Variants in PHF14 observed in about 807,000 individuals in gnomAD.
PHF14 encodes PHD finger protein 14.
Under a neutral mutation model 117.9 loss-of-function variants are expected in PHF14, and 55 were observed. That is an observed-to-expected ratio of 0.47 (90% CI 0.38 to 0.58). PHF14 has a LOEUF of 0.58. PHF14 is among the 20% of genes least tolerant of loss of function. PHF14 has a pLI of 0.00. For synonymous variants in PHF14, 409 were observed against 368.6 expected, an observed-to-expected ratio of 1.11 and a Z score of -1.26; for missense variants, 978 against 1,122.2, an observed-to-expected ratio of 0.87 and a Z score of 1.84.
rs182851972 is a variant in PHF14 at position 11,001,476 on chromosome 7, A to C, written c.1045+10629A>C. ...TGGGATTTTATTGAATCTATAGATCAAGTTGGGAAGAAATGACATCTTGAC... is the reference window on the plus strand; with the variant it reads ...TGGGATTTTATTGAATCTATAGATCCAGTTGGGAAGAAATGACATCTTGAC... On this transcript the variant is annotated intron_variant, in intron 4 of 17. Coordinates refer to ENST00000634607, the MANE Select transcript of PHF14 (RefSeq NM_001007157.2). Among the ~76,000 whole-genome samples, 8 of 152,316 alleles carry C rather than the reference A, an allele frequency of 5.3e-5. No individual in the cohort carries two copies. The East Asian group carries it at 1.3e-3, about 26-fold the overall frequency.
At chr7:11,050,014 T>C (rs1471976881) in intron 13 of PHF14, among the ~76,000 whole-genome samples, 1 of 152,220 alleles carries the variant, frequency 6.6e-6, no homozygotes, top group Non-Finnish European at 1.5e-5. Context: ...AACCTATTCT[T>C]AAATAATTGG....
At chr7:11,084,284 A>G (rs149154968) in intron 16 of PHF14, among the ~76,000 whole-genome samples, 9 of 152,368 alleles carry the variant, frequency 5.9e-5, no homozygotes, top group Admixed American at 2.0e-4. Context: ...GATAATAGCA[A>G]TTAGAACATA....
intron 4 of PHF14, among the ~76,000 whole-genome samples, chr7:10,997,232 A>G (rs183084370): frequency 7.2e-4 from 110 of 152,334 alleles, no homozygotes; most frequent in African/African-American, 2.1e-3. Flanking sequence ...GCAAAAAGAC[A>G]TTATTACTGA....
chr7:11,005,346 C>G (rs752163976), intron 4 of PHF14, among the ~76,000 whole-genome samples: 1 of 151,574 alleles, frequency 6.6e-6, no homozygotes, highest in Non-Finnish European at 1.5e-5. Flanking sequence ...CCCTTTTTTT[C>G]CTTTTCAGTA....
intron 17 of PHF14, among the ~76,000 whole-genome samples, chr7:11,128,652 C>G (rs982609810): frequency 2.6e-5 from 4 of 151,760 alleles, no homozygotes; most frequent in African/African-American, 4.8e-5. Flanking sequence ...CATATATAAT[C>G]TAGACTCATG....
intron 16 of PHF14, chr7:11,063,222 T>G (rs1164796265): frequency 2.0e-6 from 2 of 984,356 alleles, no homozygotes; most frequent in Non-Finnish European, 2.4e-6. Context: ...CTAATTTTTT[T>G]GAGGTAGTTC....
In PHF14 at chr7:11,042,706, A is replaced by G. The variant is rs1276345029; in HGVS notation, c.2204A>G (p.His735Arg). The G allele has an allele frequency of 1.9e-6, 3 of 1,588,300 alleles. No homozygotes were observed. The highest frequency in any genetic ancestry group is 2.3e-5 in the South Asian group (2 of 86,960). Residue 735 changes from histidine (H) to arginine (R), a missense_variant, in exon 13 of 18, where the codon CAT becomes CGT. Coordinates refer to ENST00000634607, the MANE Select transcript of PHF14 (RefSeq NM_001007157.2). ...LYSCGICKKN[H>R]DQHLLLLCDT... ...AGTTGTGGGATTTGTAAGAAGAACC[A>G]TGATCAGCATCTTCTTTTATTGTGT...
At chr7:11,167,579 C>T (rs1437036796) in intron 17 of PHF14, among the ~76,000 whole-genome samples, 2 of 152,074 alleles carry the variant, frequency 1.3e-5, no homozygotes, top group African/African-American at 2.4e-5. Flanking sequence ...AAGATAAAAC[C>T]TTCCTTTGAG....
intron 17 of PHF14, among the ~76,000 whole-genome samples, chr7:11,159,356 C>T (rs1263823760): frequency 6.6e-6 from 1 of 151,644 alleles, no homozygotes; most frequent in Non-Finnish European, 1.5e-5. Flanking sequence ...CTATGGTTTG[C>T]CTAGAACATC....
At chr7:10,981,385 CA>C (rs1292063385) in intron 2 of PHF14, among the ~76,000 whole-genome samples, 1 of 152,090 alleles carries the variant, frequency 6.6e-6, no homozygotes, top group Admixed American at 6.6e-5. Context: ...TTTCTCGCTT[CA>C]AAGATTTTAG....
At chr7:11,103,707 G>A in intron 16 of PHF14, 10 of 983,904 alleles carry the variant, frequency 1.0e-5, no homozygotes, top group Non-Finnish European at 1.2e-5. Context: ...AATAGAGTAG[G>A]TAATGTTATA....
At chr7:11,047,019 T>C (rs1195301117) in intron 13 of PHF14, among the ~76,000 whole-genome samples, 1 of 136,636 alleles carries the variant, frequency 7.3e-6, no homozygotes, top group Non-Finnish European at 1.5e-5. Flanking sequence ...CATAAAATCC[T>C]TTTTTTTTTT....
At chr7:11,132,255 T>G (rs1788110489) in intron 17 of PHF14, among the ~76,000 whole-genome samples, 1 of 151,756 alleles carries the variant, frequency 6.6e-6, no homozygotes, top group Admixed American at 6.6e-5. Flanking sequence ...ACTTGCCCAT[T>G]TTCTTCCCAC....
chr7:11,086,526 C>G (rs1160486387), intron 16 of PHF14, among the ~76,000 whole-genome samples: 1 of 152,096 alleles, frequency 6.6e-6, no homozygotes, highest in African/African-American at 2.4e-5. Flanking sequence ...GTGTATGATT[C>G]TTAGTGTATA....
chr7:11,056,693 A>C (rs2128328071), intron 14 of PHF14, among the ~76,000 whole-genome samples: 2 of 151,274 alleles, frequency 1.3e-5, no homozygotes, highest in South Asian at 4.1e-4. Context: ...ATTGAAAGAC[A>C]AATATTTTTA....
intron 17 of PHF14, among the ~76,000 whole-genome samples, chr7:11,131,102 G>A (rs1456602825): frequency 2.0e-5 from 3 of 151,670 alleles, no homozygotes. Context: ...AGTCTTGTTT[G>A]TTTCCAAGTT....
chr7:11,156,550 T>C (rs1401476076), intron 17 of PHF14, among the ~76,000 whole-genome samples: 1 of 152,190 alleles, frequency 6.6e-6, no homozygotes, highest in Admixed American at 6.5e-5. Flanking sequence ...ATCTCAGCAC[T>C]GTGGGAGGCC....
intron 12 of PHF14, among the ~76,000 whole-genome samples, chr7:11,041,155 A>G (rs1256758978): frequency 3.9e-5 from 6 of 152,070 alleles, no homozygotes; most frequent in Non-Finnish European, 8.8e-5. Flanking sequence ...TATATATAGA[A>G]TGAATCTATT....
At chr7:11,145,422 T>C (rs933100970) in intron 17 of PHF14, among the ~76,000 whole-genome samples, 1 of 152,112 alleles carries the variant, frequency 6.6e-6, no homozygotes, top group Non-Finnish European at 1.5e-5. Context: ...GCTATAATTA[T>C]TGTTGCTAAA....
Sources: gnomAD v4.1 joint callset for allele counts (sites outside exome capture counted in the v4.1 genomes callset) on GRCh38, gnomAD v4.1.1 for gene constraint, MANE v1.5 for transcripts, NCBI Gene and HGNC (gene_info 2026-07-23, HGNC 2026-07-21) for gene names.